The following ATP11A variants were observed in gnomAD, a reference collection of about 807,000 sequenced individuals.
ATP11A encodes the protein ATPase phospholipid transporting 11A.
Under a neutral mutation model 154.4 loss-of-function variants are expected in ATP11A, and 81 were observed. The ratio of observed to expected loss-of-function variants is 0.52; its 90% confidence interval spans 0.44 to 0.63. ATP11A has a LOEUF of 0.63. ATP11A is among the 30% of genes least tolerant of loss of function. The probability of loss-of-function intolerance (pLI) is 0.00; values close to 1 mark genes in which losing one functional copy is unlikely to be tolerated. For synonymous variants in ATP11A, 623 were observed against 585.9 expected, an observed-to-expected ratio of 1.06 and a Z score of -0.91; for missense variants, 1,316 against 1,474.3, an observed-to-expected ratio of 0.89 and a Z score of 1.76.
intron 1 of ATP11A, among the ~76,000 whole-genome samples, chr13:112,726,435 C>G (rs1889900550): frequency 6.6e-6 from 1 of 152,154 alleles, no homozygotes; most frequent in African/African-American, 2.4e-5. Flanking sequence ...GGGAGAATGG[C>G]CGGGGGCAGT....
intron 18 of ATP11A, among the ~76,000 whole-genome samples, chr13:112,853,037 A>G (rs1344893525): frequency 2.0e-5 from 3 of 152,100 alleles, no homozygotes; most frequent in African/African-American, 2.4e-5. Context: ...CCTGGGCAAT[A>G]TAGTGAGATC....
chr13:112,707,415 CAAAAAA>C (rs35020608), intron 1 of ATP11A, among the ~76,000 whole-genome samples: 1 of 80,710 alleles, frequency 1.2e-5, no homozygotes, highest in African/African-American at 4.5e-5. Context: ...AATTCTGTCT[CAAAAAA>C]AAAAAAAAAA....
At chr13:112,822,780 A>G (rs2078832449) in intron 8 of ATP11A, among the ~76,000 whole-genome samples, 1 of 149,124 alleles carries the variant, frequency 6.7e-6, no homozygotes, top group Non-Finnish European at 1.5e-5. Flanking sequence ...TTGAAAGTTG[A>G]GTGACTTTTA....
At chr13:112,869,592 T>C (rs572751657) in intron 25 of ATP11A, among the ~76,000 whole-genome samples, 107 of 152,320 alleles carry the variant, frequency 7.0e-4, no homozygotes, top group African/African-American at 2.4e-3. Context: ...TGTGTTGGGA[T>C]GGCCAAGGTG....
chr13:112,792,118 G>C (rs2077876786), intron 2 of ATP11A, among the ~76,000 whole-genome samples: 1 of 152,282 alleles, frequency 6.6e-6, no homozygotes. Context: ...AGTGGATGAG[G>C]TTGTGTAATT....
chr13:112,851,079 CAAG>C lies in ATP11A; in HGVS notation c.1858_1860del (p.Glu620del). The C allele has an allele frequency of 6.2e-7, 1 of 1,614,174 alleles. No homozygotes were observed. Among genetic ancestry groups the C allele is most frequent in the Non-Finnish European group, 8.5e-7 (1 of 1,180,038 alleles). On this transcript the variant is annotated inframe_deletion, in exon 18 of 30. Transcript: ENST00000375645. ...GTGTGTTGCTTATAAAAGGCTGATCCAAGAAGAATATGAAGGCATTTGTAAGCT... is the reference window on the plus strand; with the variant it reads ...GTGTGTTGCTTATAAAAGGCTGATCCAAGAATATGAAGGCATTTGTAAGCT...
At chr13:112,727,036 CGCT>C (rs1467998542) in intron 1 of ATP11A, among the ~76,000 whole-genome samples, 2 of 152,158 alleles carry the variant, frequency 1.3e-5, no homozygotes, top group African/African-American at 4.8e-5. Flanking sequence ...TAAATCTGAA[CGCT>C]GCTGCTGCTG....
intron 1 of ATP11A, among the ~76,000 whole-genome samples, chr13:112,782,536 G>T (rs1174590151): frequency 6.6e-6 from 1 of 152,262 alleles, no homozygotes; most frequent in Non-Finnish European, 1.5e-5. Context: ...AAAGGAGCCA[G>T]GGACTTTGCT....
intron 2 of ATP11A, among the ~76,000 whole-genome samples, chr13:112,801,031 G>A (rs1237577533): frequency 1.3e-5 from 2 of 152,174 alleles, no homozygotes; most frequent in Non-Finnish European, 2.9e-5. Context: ...TACAGCTGAC[G>A]TCATACTTAA....
At chr13:112,822,055 C>A (rs1389478758) in intron 8 of ATP11A, among the ~76,000 whole-genome samples, 1 of 152,210 alleles carries the variant, frequency 6.6e-6, no homozygotes, top group Non-Finnish European at 1.5e-5. Flanking sequence ...ACCAAATATA[C>A]TGCATGCATT....
chr13:112,704,978 T>G (rs1030413381), intron 1 of ATP11A, among the ~76,000 whole-genome samples: 8 of 152,122 alleles, frequency 5.3e-5, no homozygotes, highest in African/African-American at 1.9e-4. Context: ...GACCACAGAT[T>G]CTCCTTCACT....
chr13:112,751,063 C>T (rs867160339), intron 1 of ATP11A, among the ~76,000 whole-genome samples: 24 of 152,210 alleles, frequency 1.6e-4, no homozygotes, highest in African/African-American at 5.3e-4. Flanking sequence ...TGAACCTTGG[C>T]GGTGGGGCCG....
intron 1 of ATP11A, among the ~76,000 whole-genome samples, chr13:112,718,488 G>A (rs1165958684): frequency 6.6e-6 from 1 of 152,160 alleles, no homozygotes; most frequent in Non-Finnish European, 1.5e-5. Flanking sequence ...TACCCCCAGA[G>A]GGCAGCCGCC....
At chr13:112,847,668 A>G (rs563840890) in intron 17 of ATP11A, among the ~76,000 whole-genome samples, 2 of 152,358 alleles carry the variant, frequency 1.3e-5, no homozygotes, top group African/African-American at 4.8e-5. Flanking sequence ...AGTTTCTAGC[A>G]GGCTTTGAAA....
intron 1 of ATP11A, among the ~76,000 whole-genome samples, chr13:112,752,410 G>T (rs904144021): frequency 6.6e-6 from 1 of 152,204 alleles, no homozygotes; most frequent in Non-Finnish European, 1.5e-5. Context: ...CCCGGGGGTG[G>T]AGAGTGCAGC....
rs78496073 is a variant in ATP11A at position 112,778,904 on chromosome 13, A to G, written c.40-6231A>G. ...GTAGCCGCTGGAGTGAGGAGTAGCC[A>G]CTGGAGTGAGTAGCCGCTGGAGTGA... On this transcript the variant is annotated intron_variant, in intron 1 of 29. Transcript: ENST00000375645. Among the ~76,000 whole-genome samples the G allele has an allele frequency of 2.5e-3, 78 of 31,472 alleles. 1 individual carries two copies. The highest frequency in any genetic ancestry group is 9.5e-3 in the African/African-American group (61 of 6,410). 20.6% of individuals were successfully genotyped at this position (31,472 alleles called of 152,430 possible).
chr13:112,725,649 T>TG (rs1889768866), intron 1 of ATP11A, among the ~76,000 whole-genome samples: 1 of 152,232 alleles, frequency 6.6e-6, no homozygotes, highest in Non-Finnish European at 1.5e-5. Flanking sequence ...GCAGAACAGA[T>TG]GCACCAGCCC....
intron 1 of ATP11A, among the ~76,000 whole-genome samples, chr13:112,699,091 A>G (rs1007356772): frequency 2.6e-5 from 4 of 152,210 alleles, no homozygotes; most frequent in African/African-American, 7.2e-5. Flanking sequence ...TGATTTTTCT[A>G]TGAATAAAGA....
rs1364081357 is a variant in ATP11A, at chr13:112,863,856, C to T, written c.2991+1281C>T. Among the ~76,000 whole-genome samples, 6 of 84,320 alleles carry T rather than the reference C, an allele frequency of 7.1e-5. 1 individual carries two copies. Among genetic ancestry groups the T allele is most frequent in the Non-Finnish European group, 1.2e-4 (5 of 40,860 alleles). The allele number at this position is 84,320 out of a possible 152,430, so 55.3% of individuals were successfully genotyped here. A position where few individuals can be genotyped will look rare whatever the true frequency, so the allele number is the denominator to read the frequency against. The stretch of plus-strand genomic sequence containing the variant: ...TCACCACCTGCGCAGTAATTCAGTG[C>T]GGCCCATGCAGCTTCCCAGCGGGGT... On this transcript the variant is annotated intron_variant, in intron 25 of 29. Transcript: ENST00000375645.
Sources: allele counts gnomAD v4.1 joint callset (sites outside exome capture counted in the v4.1 genomes callset), GRCh38; gene constraint gnomAD v4.1.1; transcripts MANE v1.5; gene names NCBI Gene and HGNC (gene_info 2026-07-23, HGNC 2026-07-21).